The following GPATCH2 variants were observed in gnomAD, a reference collection of about 807,000 sequenced individuals.
GPATCH2 encodes the protein G patch domain-containing protein 2.
In GPATCH2, 51 loss-of-function variants were observed where a neutral mutation model predicts 58.0. That is an observed-to-expected ratio of 0.88 (90% confidence interval 0.70 to 1.11). The LOEUF (loss-of-function observed/expected upper bound fraction) is 1.11. Among genes scored for constraint, GPATCH2 ranks in the 50% most tolerant of loss-of-function variants. GPATCH2 has a pLI of 0.00. For synonymous variants in GPATCH2, 222 were observed against 218.5 expected, an observed-to-expected ratio of 1.02 and a Z score of -0.14; for missense variants, 625 against 652.2, an observed-to-expected ratio of 0.96 and a Z score of 0.45.
intron 5 of GPATCH2, among the ~76,000 whole-genome samples, chr1:217,590,101 A>G (rs1571974045): frequency 6.7e-6 from 1 of 149,680 alleles, no homozygotes; most frequent in Non-Finnish European, 1.5e-5. Context: ...GCTCATTGAA[A>G]CCTCCGCCCC....
At chr1:217,602,106 C>A (rs1054351132) in intron 5 of GPATCH2, among the ~76,000 whole-genome samples, 1 of 152,146 alleles carries the variant, frequency 6.6e-6, no homozygotes, top group African/African-American at 2.4e-5. Context: ...ACCTAATGTA[C>A]TCTCTATACT....
At chr1:217,552,558 C>T (rs1182938262) in intron 5 of GPATCH2, among the ~76,000 whole-genome samples, 2 of 152,106 alleles carry the variant, frequency 1.3e-5, no homozygotes, top group Non-Finnish European at 2.9e-5. Context: ...GTTACTGTGC[C>T]ACCATAAATT....
chr1:217,461,040 T>TAATGATAATGATAA (rs1660177178), intron 8 of GPATCH2, among the ~76,000 whole-genome samples: 1 of 152,190 alleles, frequency 6.6e-6, no homozygotes, highest in South Asian at 2.1e-4. Context: ...AATGTAACAG[T>TAATGATAATGATAA]TCTATATGCT....
Position 217,620,024 on chromosome 1 carries a change from T to G in GPATCH2, c.532A>C (p.Lys178Gln). 6.2e-7 allele frequency: 1 copy of G among 1,614,078 alleles called. No individual in the cohort carries two copies. Among genetic ancestry groups the G allele is most frequent in the Non-Finnish European group, 8.5e-7 (1 of 1,179,984 alleles). The change falls in exon 2 of 10, where the codon AAA becomes CAA. Residue 178 changes from lysine to glutamine, a missense_variant. Physicochemically the swap from Lys to Gln is moderately conservative, Grantham distance 53. Coordinates refer to ENST00000366935, the MANE Select transcript of GPATCH2 (RefSeq NM_018040.5). ...TCAGGTGGCTGGGTCATTGTCCGTT[T>G]GTTAGAGATGTCCTGTGGGAGATCT... The part of the protein sequence containing the change: ...AVDLPQDISN[K>Q]RTMTQPPEGC...
chr1:217,609,938 C>G (rs755234901), intron 5 of GPATCH2: 12 of 1,244,348 alleles, frequency 9.6e-6, no homozygotes, highest in Non-Finnish European at 1.2e-5. Flanking sequence ...TTCTATCCAC[C>G]CTGGGCCAAC....
In GPATCH2 at chr1:217,592,597, C is replaced by T. The variant is rs150228093; in HGVS notation, c.1098+17724G>A. Among the ~76,000 whole-genome samples the T allele has an allele frequency of 9.3e-4, 141 of 151,880 alleles. 3 individuals are homozygous for T. The East Asian group carries it at 0.018, about 20-fold the overall frequency. ...TGGGAAATGTTCATGAATCATTTAT[C>T]GAATTTTTAAAACTGAGCACCACAT... On this transcript the variant is annotated intron_variant, in intron 5 of 9. Transcript: ENST00000366935.
chr1:217,573,953 G>T (rs78051166), intron 5 of GPATCH2, among the ~76,000 whole-genome samples: 3,237 of 152,240 alleles, frequency 0.021, 132 homozygotes, highest in East Asian at 0.16. Flanking sequence ...TGCTAAATAT[G>T]TTTACTTAAT....
At chr1:217,603,815 G>C (rs900242477) in intron 5 of GPATCH2, among the ~76,000 whole-genome samples, 2 of 151,736 alleles carry the variant, frequency 1.3e-5, no homozygotes, top group African/African-American at 4.8e-5. Flanking sequence ...TAGAGACGGG[G>C]CTTCACCATG....
chr1:217,522,458 G>A (rs1318148853), intron 5 of GPATCH2, among the ~76,000 whole-genome samples: 1 of 152,100 alleles, frequency 6.6e-6, no homozygotes, highest in Non-Finnish European at 1.5e-5. Context: ...TCCAGTTTTA[G>A]TAACAAGCTG....
intron 3 of GPATCH2, among the ~76,000 whole-genome samples, chr1:217,611,980 G>T (rs759619791): frequency 2.0e-5 from 3 of 152,020 alleles, no homozygotes; most frequent in Non-Finnish European, 4.4e-5. Flanking sequence ...AGGAGTTCCA[G>T]ACCAACCTGG....
At chr1:217,434,611 T>C (rs1406149806) in intron 9 of GPATCH2, among the ~76,000 whole-genome samples, 1 of 152,202 alleles carries the variant, frequency 6.6e-6, no homozygotes, top group Non-Finnish European at 1.5e-5. Flanking sequence ...TACTCACATT[T>C]TTGATAGGAT....
intron 6 of GPATCH2, among the ~76,000 whole-genome samples, chr1:217,501,077 G>A (rs1377932623): frequency 6.6e-6 from 1 of 151,806 alleles, no homozygotes; most frequent in Non-Finnish European, 1.5e-5. Context: ...TCCTTTTATA[G>A]CCATATCCAT....
At chr1:217,523,403 T>C (rs1052776834) in intron 5 of GPATCH2, among the ~76,000 whole-genome samples, 2 of 151,694 alleles carry the variant, frequency 1.3e-5, no homozygotes, top group Non-Finnish European at 2.9e-5. Context: ...TTCAAGCGTC[T>C]GTTTAACAAG....
intron 5 of GPATCH2, among the ~76,000 whole-genome samples, chr1:217,563,199 T>A (rs1408294897): frequency 6.6e-6 from 1 of 152,218 alleles, no homozygotes; most frequent in Non-Finnish European, 1.5e-5. Context: ...GATTCTCCAA[T>A]GGAGCAACAA....
rs1364876635 is a variant in GPATCH2 at position 217,431,096 on chromosome 1, A to T, written c.*49T>A. On this transcript the variant is annotated 3_prime_UTR_variant, in exon 10 of 10. Coordinates refer to ENST00000366935, the MANE Select transcript of GPATCH2 (RefSeq NM_018040.5). ...AGAAGTCATGTTATCATTTTAGAAC[A>T]ATGGGACATAGTGAATAAAGTCTGT... 1.1e-6 allele frequency: 1 copy of T among 925,738 alleles called. No individual in the cohort carries two copies. Among genetic ancestry groups the T allele is most frequent in the African/African-American group, 1.6e-5 (1 of 61,816 alleles). The allele number at this position is 925,738 out of a possible 1,614,324, so 57.3% of individuals were successfully genotyped here.
chr1:217,628,621 G>A (rs1444495476), intron 1 of GPATCH2, among the ~76,000 whole-genome samples: 1 of 148,418 alleles, frequency 6.7e-6, no homozygotes, highest in Non-Finnish European at 1.5e-5. Context: ...AGAAACAAAA[G>A]TCCAGAGTCA....
chr1:217,627,329 C>T (rs1199543478), intron 1 of GPATCH2, among the ~76,000 whole-genome samples: 5 of 151,956 alleles, frequency 3.3e-5, no homozygotes, highest in Non-Finnish European at 7.4e-5. Flanking sequence ...GGCCTTCAAT[C>T]TTTCTGAGGT....
intron 9 of GPATCH2, among the ~76,000 whole-genome samples, chr1:217,438,666 G>GA (rs1160305403): frequency 5.9e-5 from 9 of 152,046 alleles, no homozygotes; most frequent in Non-Finnish European, 1.2e-4. Context: ...CAAGATTAGA[G>GA]AAAAAAGAAT....
chr1:217,535,643 G>A (rs1664423936), intron 5 of GPATCH2, among the ~76,000 whole-genome samples: 1 of 152,186 alleles, frequency 6.6e-6, no homozygotes, highest in Admixed American at 6.5e-5. Context: ...GAGCCACTGC[G>A]CCCGGCCAAG....
Sources: allele counts gnomAD v4.1 joint callset (sites outside exome capture counted in the v4.1 genomes callset), GRCh38; gene constraint gnomAD v4.1.1; transcripts MANE v1.5; gene names NCBI Gene and HGNC (gene_info 2026-07-23, HGNC 2026-07-21).